ZBTB40: variants seen among roughly 807,000 people sequenced by gnomAD.
ZBTB40 encodes the protein zinc finger and BTB domain containing 40, also known as zinc finger and BTB domain-containing protein 40.
Under a neutral mutation model 117.5 loss-of-function variants are expected in ZBTB40, and 60 were observed. That is an observed-to-expected ratio of 0.51 (90% CI 0.41 to 0.63). ZBTB40 has a LOEUF of 0.63. Among genes scored for constraint, ZBTB40 ranks in the 30% least tolerant of loss-of-function variants. ZBTB40 has a pLI of 0.00. For synonymous variants in ZBTB40, 525 were observed against 577.1 expected, an observed-to-expected ratio of 0.91 and a Z score of 1.29; for missense variants, 1,287 against 1,498.5, an observed-to-expected ratio of 0.86 and a Z score of 2.33.
intron 1 of ZBTB40, among the ~76,000 whole-genome samples, chr1:22,484,496 G>A (rs964104302): frequency 6.6e-6 from 1 of 152,098 alleles, no homozygotes; most frequent in African/African-American, 2.4e-5. Flanking sequence ...TTAACCTTAT[G>A]TCTTACAACT....
In ZBTB40 at chr1:22,520,284, A is replaced by G; in HGVS notation, c.3048+9A>G. The G allele has an allele frequency of 1.9e-6, 3 of 1,607,790 alleles. No individual in the cohort carries two copies. The highest frequency in any genetic ancestry group is 2.5e-6 in the Non-Finnish European group (3 of 1,179,044). On this transcript the variant is annotated intron_variant, in intron 14 of 17. Coordinates refer to ENST00000375647, the MANE Select transcript of ZBTB40 (RefSeq NM_014870.4). ...GCAACAAGGCCTACCAGGTGACCTC[A>G]GGTGCCACTGGGAGCTCTTCCCCTC...
intron 1 of ZBTB40, among the ~76,000 whole-genome samples, chr1:22,438,309 A>T (rs1640695712): frequency 2.6e-5 from 4 of 151,492 alleles, no homozygotes. Flanking sequence ...TTCACTTAAC[A>T]TAATGTCTTC....
At chr1:22,504,065 A>T (rs1639017360) in intron 5 of ZBTB40, among the ~76,000 whole-genome samples, 1 of 152,226 alleles carries the variant, frequency 6.6e-6, no homozygotes, top group Admixed American at 6.5e-5. Context: ...AATCACAAAA[A>T]CACTTCTTAA....
chr1:22,502,831 G>A (rs1638978830), intron 5 of ZBTB40, among the ~76,000 whole-genome samples: 1 of 152,118 alleles, frequency 6.6e-6, no homozygotes, highest in Admixed American at 6.5e-5. Context: ...AGGAAATTTT[G>A]TAATTATTAT....
intron 9 of ZBTB40, 108 bp downstream of exon 9, chr1:22,509,341 C>CT (rs1210170054): frequency 8.8e-4 from 1,294 of 1,477,564 alleles, no homozygotes; most frequent in Non-Finnish European, 1.0e-3. Flanking sequence ...GTTTTTCCTT[C>CT]TTTTTTTTTC....
chr1:22,525,011 G>A (rs138040730), intron 17 of ZBTB40, among the ~76,000 whole-genome samples: 22 of 152,290 alleles, frequency 1.4e-4, no homozygotes, highest in African/African-American at 4.8e-4. Context: ...TCCATCCATC[G>A]TCAGTAATTT....
chr1:22,481,787 CAAA>C (rs766474050), intron 1 of ZBTB40, among the ~76,000 whole-genome samples: 8 of 64,302 alleles, frequency 1.2e-4, no homozygotes, highest in East Asian at 1.1e-3. Flanking sequence ...CTTGTTTTAC[CAAA>C]AAAAAAAAAA....
At chr1:22,502,158 A>C (rs1638952838) in intron 4 of ZBTB40, 141 bp from the exon 5 acceptor site, 6 of 972,918 alleles carry the variant, frequency 6.2e-6, no homozygotes, top group Non-Finnish European at 9.5e-6. Context: ...TTTCCTCTGT[A>C]AAAGCGATTC....
At position 22,499,273 on chromosome 1, in the gene ZBTB40, C is replaced by T. The variant is rs115897896; in HGVS notation, c.832-2219C>T. On this transcript the variant is annotated intron_variant, in intron 3 of 17. Coordinates refer to ENST00000375647, the MANE Select transcript of ZBTB40 (RefSeq NM_014870.4). ...ACATGGCAGCTTGCATCTCACAGAG[C>T]AAGGGCAGAGAGAGAAAACACAGGC... Among the ~76,000 whole-genome samples, 763 of 152,318 alleles carry T rather than the reference C, an allele frequency of 5.0e-3. 4 individuals are homozygous for T. Among genetic ancestry groups the T allele is most frequent in the African/African-American group, 0.017 (726 of 41,574 alleles).
chr1:22,439,886 TTTGTA>T (rs1376809745), intron 1 of ZBTB40, among the ~76,000 whole-genome samples: 1 of 152,216 alleles, frequency 6.6e-6, no homozygotes, highest in Non-Finnish European at 1.5e-5. Flanking sequence ...TCATTGGTGT[TTTGTA>T]TTGAATCCAT....
At chr1:22,491,377 G>T (rs1184034129) in intron 2 of ZBTB40, 23 bp from the exon 3 acceptor site, 2 of 1,612,650 alleles carry the variant, frequency 1.2e-6, no homozygotes, top group East Asian at 2.2e-5. Flanking sequence ...TTTCTGATTT[G>T]TTTTATTTTG....
chr1:22,430,638 A>ATTTT (rs112026539), intron 1 of ZBTB40, among the ~76,000 whole-genome samples: 1 of 144,470 alleles, frequency 6.9e-6, no homozygotes, highest in Admixed American at 6.9e-5. Context: ...CACCCGACTA[A>ATTTT]TTTTTTTTTT....
At chr1:22,468,624 T>C (rs1302646339) in intron 1 of ZBTB40, among the ~76,000 whole-genome samples, 1 of 141,440 alleles carries the variant, frequency 7.1e-6, no homozygotes, top group Non-Finnish European at 1.5e-5. Flanking sequence ...TATAGGCATG[T>C]GCCACCATGC....
intron 1 of ZBTB40, among the ~76,000 whole-genome samples, chr1:22,429,750 T>C (rs888123375): frequency 7.9e-5 from 12 of 152,184 alleles, no homozygotes; most frequent in African/African-American, 2.7e-4. Context: ...CCCAGCACTT[T>C]GGGAGGCCGA....
intron 1 of ZBTB40, among the ~76,000 whole-genome samples, chr1:22,487,603 T>C (rs577173210): frequency 1.3e-5 from 2 of 152,186 alleles, no homozygotes; most frequent in Admixed American, 6.5e-5. Flanking sequence ...AGCTATACTT[T>C]GCAATGTTTT....
intron 1 of ZBTB40, among the ~76,000 whole-genome samples, chr1:22,439,926 T>C (rs898911262): frequency 6.6e-6 from 1 of 152,262 alleles, no homozygotes. Context: ...AATATTAACA[T>C]CTTAGCAATA....
At position 22,468,460 on chromosome 1, in the gene ZBTB40, GTTTCCTTTT is replaced by G. The variant is rs1281328337; in HGVS notation, c.-70+16460_-70+16468del. On this transcript the variant is annotated intron_variant, in intron 1 of 17. Transcript: ENST00000375647. ...TCTTTTTAAAATTTAAAATGTTAAT[GTTTCCTTTT>G]TTTTTTTTTTTTTTTTTTTTTTTGG... Among the ~76,000 whole-genome samples, 211 of 88,776 alleles carry G rather than the reference GTTTCCTTTT, an allele frequency of 2.4e-3. 1 individual carries two copies. The highest frequency in any genetic ancestry group is 3.9e-3 in the Non-Finnish European group (164 of 42,016). 58.2% of individuals were successfully genotyped at this position (88,776 alleles called of 152,430 possible). A position where few individuals can be genotyped will look rare whatever the true frequency, so the allele number is the denominator to read the frequency against.
intron 1 of ZBTB40, among the ~76,000 whole-genome samples, chr1:22,471,838 A>G (rs761769560): frequency 5.3e-5 from 8 of 152,190 alleles, no homozygotes; most frequent in African/African-American, 1.9e-4. Flanking sequence ...GGAAGCTGGG[A>G]TACCACACAC....
chr1:22,508,881 T>G, intron 8 of ZBTB40, 150 bp downstream of exon 8: 1 of 1,096,608 alleles, frequency 9.1e-7, no homozygotes, highest in African/African-American at 1.6e-5. Context: ...GACACAAGAG[T>G]TTGTAAACCT....
Sources: gnomAD v4.1 joint callset for allele counts (sites outside exome capture counted in the v4.1 genomes callset) on GRCh38, gnomAD v4.1.1 for gene constraint, MANE v1.5 for transcripts, NCBI Gene and HGNC (gene_info 2026-07-23, HGNC 2026-07-21) for gene names.